Variants in GSTO2 observed in about 807,000 individuals in gnomAD.
The protein encoded by GSTO2 is glutathione S-transferase omega 2.
In GSTO2, 23 loss-of-function variants were observed where a neutral mutation model predicts 28.4. That is an observed-to-expected ratio of 0.81 (90% CI 0.58 to 1.15). GSTO2 has a LOEUF of 1.15. GSTO2 is among the 50% of genes most tolerant of loss of function. GSTO2 has a pLI of 0.00. For missense variants in GSTO2, 298 were observed against 297.8 expected (o/e 1.00, Z 0.00); for synonymous variants, 109 against 111.0 (o/e 0.98, Z 0.11).
chr10:104,282,390 A>T (rs1194624650), intron 5 of GSTO2, among the ~76,000 whole-genome samples: 1 of 151,820 alleles, frequency 6.6e-6, no homozygotes, highest in East Asian at 1.9e-4. Context: ...CCATCTCTTT[A>T]AAAAATACAA....
intron 5 of GSTO2, among the ~76,000 whole-genome samples, chr10:104,287,711 GTC>G (rs1267967697): frequency 6.6e-6 from 1 of 151,830 alleles, no homozygotes; most frequent in Non-Finnish European, 1.5e-5. Context: ...TCCTAGTAAT[GTC>G]TCACACTGGG....
chr10:104,270,687 C>T (rs1291421806), intron 1 of GSTO2, among the ~76,000 whole-genome samples: 2 of 152,056 alleles, frequency 1.3e-5, no homozygotes, highest in East Asian at 3.8e-4. Flanking sequence ...ACTCATTGGA[C>T]AATAAGGGAA....
intron 5 of GSTO2, among the ~76,000 whole-genome samples, chr10:104,293,563 A>ATTTTTTTTTTTTCTTTTTT (rs2012878818): frequency 1.2e-5 from 1 of 81,652 alleles, no homozygotes. Flanking sequence ...CGCCTGGCCA[A>ATTTTTTTTTTTTCTTTTTT]TTTTTTTTTT....
At position 104,274,728 on chromosome 10, in the gene GSTO2, G is replaced by T. The variant is rs935274646; in HGVS notation, c.-188G>T. On this transcript the variant is annotated 5_prime_UTR_variant, in exon 2 of 7. Transcript: ENST00000338595. ...CAAATCTGGGGCGATGTCTCCCCAG[G>T]TTAAATTACCCTAGCTCCTGCTCCA... The T allele has an allele frequency of 4.5e-6, 3 of 673,872 alleles. No individual in the cohort carries two copies. The highest frequency in any genetic ancestry group is 4.1e-4 in the Middle Eastern group (1 of 2,460). 41.7% of individuals were successfully genotyped at this position (673,872 alleles called of 1,614,324 possible).
Position 104,301,473 on chromosome 10 carries a change from A to G in GSTO2, c.*2189A>G, listed in dbSNP as rs1450831222. Reference sequence around the variant, plus strand: ...ACCTGCACATCCTTACACTTCCTCCATCTCGCTTCTTTGTCACTTGTCTGA... The same window carrying G: ...ACCTGCACATCCTTACACTTCCTCCGTCTCGCTTCTTTGTCACTTGTCTGA... On this transcript the variant is annotated 3_prime_UTR_variant, in exon 7 of 7. Coordinates refer to ENST00000338595, the MANE Select transcript of GSTO2 (RefSeq NM_183239.2). The G allele has an allele frequency of 1.3e-5, 2 of 152,192 alleles. No homozygotes were observed. The highest frequency in any genetic ancestry group is 6.5e-5 in the Admixed American group (1 of 15,268). The allele number at this position is 152,192 out of a possible 1,614,324, so 9.4% of individuals were successfully genotyped here.
intron 5 of GSTO2, among the ~76,000 whole-genome samples, chr10:104,287,677 T>A (rs1454879643): frequency 2.6e-5 from 4 of 151,964 alleles, no homozygotes; most frequent in Non-Finnish European, 5.9e-5. Context: ...GCTAGAAAAG[T>A]ATCTAGAGAG....
chr10:104,275,110 A>G, intron 2 of GSTO2, 116 bp from the exon 3 acceptor site: 1 of 1,516,082 alleles, frequency 6.6e-7, no homozygotes, highest in South Asian at 1.3e-5. Flanking sequence ...CCTCTCTGGG[A>G]CTTGGGAGTT....
chr10:104,292,880 A>C (rs1401226705), intron 5 of GSTO2, among the ~76,000 whole-genome samples: 1 of 152,194 alleles, frequency 6.6e-6, no homozygotes, highest in Non-Finnish European at 1.5e-5. Flanking sequence ...TTTTCATTCC[A>C]TTTCTGATGA....
At chr10:104,280,905 G>A (rs2011999344) in intron 5 of GSTO2, among the ~76,000 whole-genome samples, 1 of 152,198 alleles carries the variant, frequency 6.6e-6, no homozygotes, top group Non-Finnish European at 1.5e-5. Flanking sequence ...ATTTATGGAT[G>A]ACGAATGGTC....
At position 104,299,367 on chromosome 10, in the gene GSTO2, GTC is replaced by G; in HGVS notation, c.*89_*90del. On this transcript the variant is annotated 3_prime_UTR_variant, in exon 7 of 7. Coordinates refer to ENST00000338595, the MANE Select transcript of GSTO2 (RefSeq NM_183239.2). Reference sequence around the variant, plus strand: ...CACGGCTTGTCTTGGGAACCAATCCGTCTCTCTTTCTTTTCTTTGAAGTTCCC... The same window carrying G: ...CACGGCTTGTCTTGGGAACCAATCCGTCTCTTTCTTTTCTTTGAAGTTCCC... 1.8e-5 allele frequency: 26 copies of G among 1,448,340 alleles called. No individual in the cohort carries two copies. Among genetic ancestry groups the G allele is most frequent in the Non-Finnish European group, 2.5e-5 (26 of 1,053,050 alleles). The allele number at this position is 1,448,340 out of a possible 1,614,324, so 89.7% of individuals were successfully genotyped here.
At chr10:104,269,820 G>A (rs992740525) in intron 1 of GSTO2, among the ~76,000 whole-genome samples, 4 of 152,134 alleles carry the variant, frequency 2.6e-5, no homozygotes, top group Non-Finnish European at 5.9e-5. Context: ...TAATGTACTG[G>A]TACTATTAGC....
chr10:104,290,392 C>T (rs2012703831), intron 5 of GSTO2, among the ~76,000 whole-genome samples: 2 of 151,828 alleles, frequency 1.3e-5, no homozygotes, highest in Admixed American at 1.3e-4. Flanking sequence ...GGAATCCCAG[C>T]TACTCAGGAG....
chr10:104,275,237 C>T lies in GSTO2; in HGVS notation c.46C>T (p.Pro16Ser). The T allele has an allele frequency of 6.2e-7, 1 of 1,613,718 alleles. No homozygotes were observed. Among genetic ancestry groups the T allele is most frequent in the Non-Finnish European group, 8.5e-7 (1 of 1,179,826 alleles). Residue 16 changes from proline to serine, a missense_variant, in exon 3 of 7, where the codon CCA (proline) becomes TCA (serine). Pro to Ser is a moderately conservative substitution (Grantham distance 74). Coordinates refer to ENST00000338595, the MANE Select transcript of GSTO2 (RefSeq NM_183239.2). ...TCGCTGCTCTGCAGGAAGCCAGCCC[C>T]CAGGGCCAGTCCCGGAGGGGCTGAT... ...TRTLGKGSQP[P>S]GPVPEGLIRI...
chr10:104,299,387 A>G lies in GSTO2; in HGVS notation c.*103A>G. 7.6e-7 allele frequency: 1 copy of G among 1,308,638 alleles called. No homozygotes were observed. 81.1% of individuals were successfully genotyped at this position (1,308,638 alleles called of 1,614,324 possible). Reference sequence around the variant, plus strand: ...AATCCGTCTCTCTTTCTTTTCTTTGAAGTTCCCAATAAAATGAAAACAGGA... The same window carrying G: ...AATCCGTCTCTCTTTCTTTTCTTTGGAGTTCCCAATAAAATGAAAACAGGA... On this transcript the variant is annotated 3_prime_UTR_variant, in exon 7 of 7. Coordinates refer to ENST00000338595, the MANE Select transcript of GSTO2 (RefSeq NM_183239.2).
In GSTO2 at chr10:104,274,712, G is replaced by A. The variant is rs969175781; in HGVS notation, c.-204G>A. The A allele has an allele frequency of 9.6e-5, 59 of 611,692 alleles. No individual in the cohort carries two copies. In the South Asian group the frequency reaches 1.1e-3, roughly 12 times the overall value. 37.9% of individuals were successfully genotyped at this position (611,692 alleles called of 1,614,324 possible). A position where few individuals can be genotyped will look rare whatever the true frequency, so the allele number is the denominator to read the frequency against. On this transcript the variant is annotated 5_prime_UTR_variant, in exon 2 of 7. Coordinates refer to ENST00000338595, the MANE Select transcript of GSTO2 (RefSeq NM_183239.2). ...CCTACTCTCGGGCTTCCAAATCTGG[G>A]GCGATGTCTCCCCAGGTTAAATTAC...
chr10:104,291,758 C>G (rs1485148764), intron 5 of GSTO2: 2 of 152,214 alleles, frequency 1.3e-5, no homozygotes, highest in Non-Finnish European at 2.9e-5. Flanking sequence ...TCATTTGCAT[C>G]GCGTCCGTAG....
intron 5 of GSTO2, among the ~76,000 whole-genome samples, chr10:104,285,642 A>AT (rs1490673844): frequency 2.0e-5 from 3 of 151,620 alleles, no homozygotes; most frequent in Non-Finnish European, 4.4e-5. Context: ...ATTTGTTTTA[A>AT]TTTTTTGTGG....
At chr10:104,277,433 G>A (rs964366816) in intron 3 of GSTO2, among the ~76,000 whole-genome samples, 17 of 152,134 alleles carry the variant, frequency 1.1e-4, no homozygotes, top group African/African-American at 3.4e-4. Flanking sequence ...ACAGGCGCCC[G>A]CCACCATGCC....
chr10:104,283,812 C>T (rs1470046679), intron 5 of GSTO2, among the ~76,000 whole-genome samples: 1 of 152,132 alleles, frequency 6.6e-6, no homozygotes, highest in East Asian at 1.9e-4. Flanking sequence ...TTATGTAACT[C>T]TTTCACATGG....
Sources: gnomAD v4.1 joint callset for allele counts (sites outside exome capture counted in the v4.1 genomes callset) on GRCh38, gnomAD v4.1.1 for gene constraint, MANE v1.5 for transcripts, NCBI Gene and HGNC (gene_info 2026-07-23, HGNC 2026-07-21) for gene names.